DOCK10: variants seen among roughly 807,000 people sequenced by gnomAD.
The protein encoded by DOCK10 is dedicator of cytokinesis 10, also known as dedicator of cytokinesis protein 10.
DOCK10 carries 145 observed loss-of-function variants against 280.1 expected under a neutral mutation model. The ratio of observed to expected loss-of-function variants is 0.52; its 90% CI spans 0.45 to 0.59. The LOEUF is 0.59. Ranked by LOEUF, DOCK10 falls within the 20% of genes least tolerant of loss-of-function variation. The probability of loss-of-function intolerance (pLI) is 0.00; values close to 1 mark genes in which losing one functional copy is unlikely to be tolerated. For synonymous variants in DOCK10, 915 were observed against 942.2 expected, an observed-to-expected ratio of 0.97 and a Z score of 0.53; for missense variants, 2,368 against 2,651.7, an observed-to-expected ratio of 0.89 and a Z score of 2.35.
At chr2:224,966,321 G>A (rs569646120) in intron 1 of DOCK10, among the ~76,000 whole-genome samples, 427 of 128,026 alleles carry the variant, frequency 3.3e-3, no homozygotes, top group Middle Eastern at 0.017. Flanking sequence ...CTTGATTGTC[G>A]TCTTATCCTC....
At position 224,864,597 on chromosome 2, in the gene DOCK10, C is replaced by T. The variant is rs371097904; in HGVS notation, c.1558G>A (p.Ala520Thr). 6.2e-7 allele frequency: 1 copy of T among 1,612,986 alleles called. No individual in the cohort carries two copies. Among genetic ancestry groups the T allele is most frequent in the Non-Finnish European group, 8.5e-7 (1 of 1,179,720 alleles). Residue 520 changes from alanine to threonine, a missense_variant, in exon 13 of 56, where the codon GCA becomes ACA. Around this residue, in one of 2 missense-constraint regions of DOCK10, gnomAD observed 1,209 missense variants for 1,250.9 expected, o/e 0.97. Coordinates refer to ENST00000258390, the MANE Select transcript of DOCK10 (RefSeq NM_014689.3). ...KIEKVLMGNI[A>T]SGAEPYIKNP... The stretch of plus-strand genomic sequence containing the variant: ...TTAATATAAGGTTCGGCACCACTTG[C>T]AATGTTTCCCATCAAGACTTTTTCG...
chr2:224,804,790 G>A lies in DOCK10; in HGVS notation c.4166+4C>T. ...ATTAACCTATTGGAATTTAAAATTA[G>A]TACCTTATTATGTTGCGTTTTCCTA... On this transcript the variant is annotated splice_donor_region_variant and intron_variant, in intron 38 of 55. Transcript: ENST00000258390. 1 of 1,498,704 alleles carries A rather than the reference G, an allele frequency of 6.7e-7. No individual in the cohort carries two copies. The highest frequency in any genetic ancestry group is 8.9e-7 in the Non-Finnish European group (1 of 1,121,292). 92.8% of individuals were successfully genotyped at this position (1,498,704 alleles called of 1,614,324 possible).
At position 224,770,010 on chromosome 2, in the gene DOCK10, T is replaced by C. The variant is rs1690318020; in HGVS notation, c.6444+201A>G. ...GGAAAGTATCTAGGTTCTCATAATC[T>C]TTTTCTACAGAGTTTCCCCCAGCCT... On this transcript the variant is annotated intron_variant, in intron 55 of 55. Coordinates refer to ENST00000258390, the MANE Select transcript of DOCK10 (RefSeq NM_014689.3). The surrounding 1 kb of genome is among the most constrained non-coding windows in gnomAD (Gnocchi z 4.5). 6.6e-6 allele frequency among the ~76,000 whole-genome samples: 1 copy of C among 152,200 alleles called. No individual in the cohort carries two copies. The highest frequency in any genetic ancestry group is 2.4e-5 in the African/African-American group (1 of 41,442).
intron 1 of DOCK10, chr2:224,982,414 GTT>G: frequency 8.1e-7 from 1 of 1,231,288 alleles, no homozygotes; most frequent in South Asian, 4.1e-5. Context: ...TTGATGCTAT[GTT>G]TGCAAAACAG....
At chr2:224,779,081 A>G (rs577490912) in intron 50 of DOCK10, among the ~76,000 whole-genome samples, 1 of 152,282 alleles carries the variant, frequency 6.6e-6, no homozygotes, top group African/African-American at 2.4e-5. Context: ...GGAAGATTCT[A>G]TTAGCTGCAG....
At chr2:224,915,224 G>C in intron 3 of DOCK10, among the ~76,000 whole-genome samples, 1 of 149,792 alleles carries the variant, frequency 6.7e-6, no homozygotes, top group East Asian at 2.0e-4. Context: ...TGATTGTCTG[G>C]TATAAAAAAT....
intron 40 of DOCK10, among the ~76,000 whole-genome samples, chr2:224,801,171 T>C (rs370341713): frequency 1.1e-4 from 16 of 151,642 alleles, no homozygotes; most frequent in African/African-American, 1.7e-4. Context: ...AGACTCTCAG[T>C]TGATTCTCTC....
intron 1 of DOCK10, among the ~76,000 whole-genome samples, chr2:224,938,597 A>G (rs186963003): frequency 6.6e-6 from 1 of 152,206 alleles, no homozygotes; most frequent in Non-Finnish European, 1.5e-5. Context: ...TTTCAGTGTT[A>G]TATCAAGATA....
intron 16 of DOCK10, 44 bp from the exon 17 acceptor site, chr2:224,853,166 T>C (rs776468333): frequency 1.5e-5 from 22 of 1,470,114 alleles, no homozygotes; most frequent in Middle Eastern, 1.8e-4. Flanking sequence ...AATATGGTTC[T>C]TTTAAAGTGA....
At chr2:224,828,531 G>T (rs1695014117) in intron 27 of DOCK10, among the ~76,000 whole-genome samples, 1 of 152,152 alleles carries the variant, frequency 6.6e-6, no homozygotes. Context: ...AGTTCCCCAG[G>T]CAGGCCCAGA....
chr2:225,033,477 C>T (rs994427737), intron 1 of DOCK10, among the ~76,000 whole-genome samples: 12 of 152,170 alleles, frequency 7.9e-5, no homozygotes, highest in Admixed American at 2.6e-4. Context: ...GCCACTGTGC[C>T]CAGCTGCGAC....
At chr2:224,929,208 T>C (rs1333454712) in intron 2 of DOCK10, among the ~76,000 whole-genome samples, 1 of 152,230 alleles carries the variant, frequency 6.6e-6, no homozygotes, top group Admixed American at 6.5e-5. Context: ...AATTAATTGG[T>C]TTACCTTTTT....
At chr2:224,831,738 C>T (rs576338575) in intron 26 of DOCK10, among the ~76,000 whole-genome samples, 3 of 152,352 alleles carry the variant, frequency 2.0e-5, no homozygotes, top group East Asian at 3.9e-4. Flanking sequence ...CTGTCCACAA[C>T]CTGGCCCTCC....
intron 17 of DOCK10, 23 bp from the exon 18 acceptor site, chr2:224,852,465 T>A: frequency 1.3e-6 from 2 of 1,544,122 alleles, no homozygotes; most frequent in Non-Finnish European, 1.8e-6. Flanking sequence ...AGAGAAAAAA[T>A]GGAAATTGTA....
At chr2:224,872,628 C>G (rs1698361484) in intron 11 of DOCK10, among the ~76,000 whole-genome samples, 1 of 152,174 alleles carries the variant, frequency 6.6e-6, no homozygotes, top group Non-Finnish European at 1.5e-5. Flanking sequence ...TTTCTGCCAT[C>G]CACTCACTGT....
intron 1 of DOCK10, among the ~76,000 whole-genome samples, chr2:224,994,552 C>T (rs1706215337): frequency 6.6e-6 from 1 of 152,188 alleles, no homozygotes. Context: ...AACATTGTCA[C>T]AACAAAGATT....
chr2:224,984,488 G>C (rs955576711), intron 1 of DOCK10, among the ~76,000 whole-genome samples: 5 of 152,054 alleles, frequency 3.3e-5, no homozygotes, highest in South Asian at 4.1e-4. Flanking sequence ...TATTATTGAC[G>C]GGCTGCTGAC....
At chr2:224,975,842 G>T (rs371330217) in intron 1 of DOCK10, among the ~76,000 whole-genome samples, 2 of 152,190 alleles carry the variant, frequency 1.3e-5, no homozygotes, top group African/African-American at 4.8e-5. Flanking sequence ...TGGGGGACCC[G>T]AATGTGGGGA....
rs369050199 is a variant in DOCK10 at position 224,774,947 on chromosome 2, C to T, written c.5971G>A (p.Gly1991Ser). ...TPFTLSGKKH[G>S]GVAEQCKRRT... Reference sequence around the variant, plus strand: ...CGCTTGCACTGCTCCGCCACCCCACCGTGCTTCTTGCCCGACAGCGTGAAG... The same window carrying T: ...CGCTTGCACTGCTCCGCCACCCCACTGTGCTTCTTGCCCGACAGCGTGAAG... The change falls in exon 52 of 56, where the codon GGT (glycine) becomes AGT (serine). Residue 1991 changes from glycine to serine, a missense_variant. Transcript: ENST00000258390. 4.8e-5 allele frequency: 78 copies of T among 1,608,794 alleles called. No individual in the cohort carries two copies. Among genetic ancestry groups the T allele is most frequent in the Non-Finnish European group, 5.5e-5 (65 of 1,177,478 alleles).
Sources: allele counts gnomAD v4.1 joint callset (sites outside exome capture counted in the v4.1 genomes callset), GRCh38; gene constraint gnomAD v4.1.1; regional missense constraint gnomAD v4.1.1; non-coding constraint Gnocchi (gnomAD v3.1); transcripts MANE v1.5; gene names NCBI Gene and HGNC (gene_info 2026-07-23, HGNC 2026-07-21).